The following TDP1 variants were observed in gnomAD, a reference collection of about 807,000 sequenced individuals.
The protein encoded by TDP1 is tyrosyl-DNA phosphodiesterase 1.
In TDP1, 64 loss-of-function variants were observed where a neutral mutation model predicts 81.5. That is an observed-to-expected ratio of 0.79 (90% confidence interval 0.64 to 0.97). The LOEUF (loss-of-function observed/expected upper bound fraction) is 0.97. Ranked by LOEUF, TDP1 falls within the 50% of genes least tolerant of loss-of-function variation. The probability of loss-of-function intolerance (pLI) is 0.00; values close to 1 mark genes in which losing one functional copy is unlikely to be tolerated. For synonymous variants in TDP1, 256 were observed against 264.3 expected, an observed-to-expected ratio of 0.97 and a Z score of 0.30; for missense variants, 723 against 743.8, an observed-to-expected ratio of 0.97 and a Z score of 0.33.
At chr14:89,962,349 A>G (rs757228249) in intron 2 of TDP1, among the ~76,000 whole-genome samples, 11 of 152,190 alleles carry the variant, frequency 7.2e-5, no homozygotes, top group Non-Finnish European at 1.3e-4. Context: ...GAAGTAAGAC[A>G]TACATAATCA....
In TDP1 at chr14:90,023,200, GC is replaced by G. The variant is rs35647263; in HGVS notation, c.1644+3783del. 554 of 672,584 alleles carry G rather than the reference GC, an allele frequency of 8.2e-4. 4 individuals are homozygous for G. In the African/African-American group the frequency reaches 8.9e-3, roughly 11 times the overall value. The allele number at this position is 672,584 out of a possible 1,614,324, so 41.7% of individuals were successfully genotyped here. The stretch of plus-strand genomic sequence containing the variant: ...AGGGACCATGTGGTCTGCCCGGGGG[GC>G]TTGGGAAAGGCTTTGTTAAGGAGGT... On this transcript the variant is annotated intron_variant, in intron 15 of 16. Coordinates refer to ENST00000335725, the MANE Select transcript of TDP1 (RefSeq NM_018319.4).
chr14:89,979,063 TGA>T, intron 7 of TDP1, among the ~76,000 whole-genome samples: 1 of 152,310 alleles, frequency 6.6e-6, no homozygotes, highest in Non-Finnish European at 1.5e-5. Flanking sequence ...ATGTGTGAAT[TGA>T]GTTTCATCAG....
intron 14 of TDP1, among the ~76,000 whole-genome samples, chr14:89,995,722 A>T (rs1159245472): frequency 2.6e-5 from 4 of 152,188 alleles, no homozygotes; most frequent in African/African-American, 4.8e-5. Flanking sequence ...AATGTTCCCA[A>T]ACCGAACTCA....
rs1268449918 is a variant in TDP1 at position 90,005,047 on chromosome 14, T to C, written c.1541+11564T>C. On this transcript the variant is annotated intron_variant, in intron 14 of 16. Coordinates refer to ENST00000335725, the MANE Select transcript of TDP1 (RefSeq NM_018319.4). ...GTAAGGCACCAGCCTTCACACACTT[T>C]ATAAAGGAATCATCTTCAGAGAGCT... is the stretch of plus-strand genomic sequence containing the variant. Among the ~76,000 whole-genome samples the C allele has an allele frequency of 3.3e-5, 5 of 152,298 alleles. No individual in the cohort carries two copies. The East Asian group carries it at 7.7e-4, about 24-fold the overall frequency.
rs998537377 is a variant in TDP1 at position 89,980,538 on chromosome 14, A to G, written c.792-2A>G. The G allele has an allele frequency of 1.3e-5, 21 of 1,613,780 alleles. No individual in the cohort carries two copies. Among genetic ancestry groups the G allele is most frequent in the Non-Finnish European group, 1.7e-5 (20 of 1,179,670 alleles). Reference sequence around the variant, plus strand: ...CTTTTTGATCCTTTGCTGTTTTTAAAGGAAAATGATGCTGCTGCTCTATGA... The same window carrying G: ...CTTTTTGATCCTTTGCTGTTTTTAAGGGAAAATGATGCTGCTGCTCTATGA... On this transcript the variant is annotated splice_acceptor_variant, in intron 7 of 16. Coordinates refer to ENST00000335725, the MANE Select transcript of TDP1 (RefSeq NM_018319.4). LOFTEE classifies it high-confidence loss of function.
chr14:89,998,634 G>C (rs556204177), intron 14 of TDP1, among the ~76,000 whole-genome samples: 2 of 151,550 alleles, frequency 1.3e-5, no homozygotes, highest in East Asian at 3.9e-4. Context: ...GAGGGAGGCT[G>C]CTCCTTAAGG....
intron 16 of TDP1, among the ~76,000 whole-genome samples, chr14:90,042,565 G>A (rs191106906): frequency 2.4e-4 from 37 of 152,250 alleles, no homozygotes; most frequent in African/African-American, 7.9e-4. Context: ...AAAGGAAAGA[G>A]GTTTAATTGA....
intron 15 of TDP1, among the ~76,000 whole-genome samples, chr14:90,024,605 T>A (rs551555049): frequency 6.6e-6 from 1 of 152,242 alleles, no homozygotes; most frequent in Admixed American, 6.5e-5. Flanking sequence ...TGCTTAAATA[T>A]GTTCACAAAC....
At chr14:90,026,547 G>A (rs111828817) in intron 15 of TDP1, among the ~76,000 whole-genome samples, 1 of 152,128 alleles carries the variant, frequency 6.6e-6, no homozygotes, top group Admixed American at 6.5e-5. Flanking sequence ...TGCCATGTTG[G>A]TGTGCTGCAC....
chr14:90,023,039 C>A, intron 15 of TDP1: 2 of 763,198 alleles, frequency 2.6e-6, no homozygotes. Flanking sequence ...CAGGCCCCTG[C>A]GAAGAGAATA....
intron 8 of TDP1, chr14:89,983,063 C>T (rs1390847136): frequency 4.4e-6 from 2 of 453,352 alleles, no homozygotes; most frequent in Non-Finnish European, 8.9e-6. Flanking sequence ...AAAAATGCCT[C>T]ATATCTCAGC....
rs59089126 is a variant in TDP1 at position 90,029,336 on chromosome 14, T to C, written c.1645-3770T>C. Among the ~76,000 whole-genome samples the C allele has an allele frequency of 5.0e-3, 766 of 152,004 alleles. 9 individuals carry two copies. The highest frequency in any genetic ancestry group is 0.018 in the African/African-American group (744 of 41,428). On this transcript the variant is annotated intron_variant, in intron 15 of 16. Transcript: ENST00000335725. ...CCTCAGCCTCCTAAGTAGCTGGGAT[T>C]ACAGATGCGCACTACCACACCTGGC...
chr14:89,985,304 A>G (rs566126226), intron 10 of TDP1, 94 bp downstream of exon 10: 1 of 741,978 alleles, frequency 1.3e-6, no homozygotes, highest in Non-Finnish European at 2.3e-6. Context: ...GCTTCACAAT[A>G]TTTCTGCACA....
At chr14:90,042,495 C>T (rs962860183) in intron 16 of TDP1, among the ~76,000 whole-genome samples, 1 of 152,154 alleles carries the variant, frequency 6.6e-6, no homozygotes, top group South Asian at 2.1e-4. Flanking sequence ...CTGCCTGCCT[C>T]CCTGTATTAG....
chr14:89,978,383 G>A (rs1421049236), intron 7 of TDP1, among the ~76,000 whole-genome samples: 1 of 152,226 alleles, frequency 6.6e-6, no homozygotes, highest in Non-Finnish European at 1.5e-5. Context: ...GACTTGGTGT[G>A]GTAACATACG....
chr14:89,985,592 T>C (rs991695727), intron 10 of TDP1, among the ~76,000 whole-genome samples: 1 of 152,224 alleles, frequency 6.6e-6, no homozygotes, highest in Non-Finnish European at 1.5e-5. Flanking sequence ...CTATAATATA[T>C]TTTGATTATT....
chr14:89,998,404 A>G (rs890601056), intron 14 of TDP1, among the ~76,000 whole-genome samples: 2,208 of 115,512 alleles, frequency 0.019, 142 homozygotes, highest in African/African-American at 0.047. Flanking sequence ...ATATATATAT[A>G]TATATATATA....
Position 90,033,087 on chromosome 14 carries a change from T to C in TDP1, c.1645-19T>C, listed in dbSNP as rs931438213. 9 of 1,545,588 alleles carry C rather than the reference T, an allele frequency of 5.8e-6. No individual in the cohort carries two copies. The Admixed American group carries it at 1.3e-4, about 23-fold the overall frequency. On this transcript the variant is annotated intron_variant, in intron 15 of 16. Coordinates refer to ENST00000335725, the MANE Select transcript of TDP1 (RefSeq NM_018319.4). ...CAGAAAATGGGGTGCAATCATAGAT[T>C]TCCTCTGTGTGTCTGCAGGGTCTAG...
Position 90,022,995 on chromosome 14 carries a change from T to G in TDP1, c.1644+3577T>G, listed in dbSNP as rs568883294. The G allele has an allele frequency of 5.3e-6, 4 of 755,418 alleles. No homozygotes were observed. In the South Asian group the frequency reaches 5.5e-5, roughly 10 times the overall value. The allele number at this position is 755,418 out of a possible 1,614,324, so 46.8% of individuals were successfully genotyped here. ...GGGACTACCCACCTCCATACTCACT[T>G]CAGTCCCACACATACCCTGTGCCTG... On this transcript the variant is annotated intron_variant, in intron 15 of 16. Coordinates refer to ENST00000335725, the MANE Select transcript of TDP1 (RefSeq NM_018319.4).
Sources: allele counts gnomAD v4.1 joint callset (sites outside exome capture counted in the v4.1 genomes callset), GRCh38; gene constraint gnomAD v4.1.1; transcripts MANE v1.5; gene names NCBI Gene and HGNC (gene_info 2026-07-23, HGNC 2026-07-21).